DSCAM: variants seen among roughly 807,000 people sequenced by gnomAD.
DSCAM encodes DS cell adhesion molecule.
Under a neutral mutation model 217.7 loss-of-function variants are expected in DSCAM, and 47 were observed. That is an observed-to-expected ratio of 0.22 (90% confidence interval 0.17 to 0.28). The LOEUF is 0.28. DSCAM is among the 10% of genes least tolerant of loss of function. DSCAM has a pLI of 1.00. For missense variants in DSCAM, 2,080 were observed against 2,618.3 expected (o/e 0.79, Z 4.49); for synonymous variants, 1,056 against 1,015.3 (o/e 1.04, Z -0.76).
chr21:40,608,299 ATATATTT>A (rs2089269153), intron 3 of DSCAM, among the ~76,000 whole-genome samples: 1 of 152,246 alleles, frequency 6.6e-6, no homozygotes, highest in African/African-American at 2.4e-5. Flanking sequence ...TATTTTGAAA[ATATATTT>A]GAAACTGCAA....
At chr21:40,646,267 T>G (rs1336176264) in intron 3 of DSCAM, among the ~76,000 whole-genome samples, 1 of 151,946 alleles carries the variant, frequency 6.6e-6, no homozygotes, top group Non-Finnish European at 1.5e-5. Context: ...ATACAAAAAT[T>G]AGCTGGGTGT....
intron 32 of DSCAM, among the ~76,000 whole-genome samples, chr21:40,019,045 G>C (rs547128415): frequency 1.3e-5 from 2 of 152,342 alleles, no homozygotes; most frequent in African/African-American, 4.8e-5. Context: ...ACAGAGAAGA[G>C]AGCACCAGAG....
At chr21:40,139,336 T>A (rs2090260339) in intron 18 of DSCAM, among the ~76,000 whole-genome samples, 1 of 151,948 alleles carries the variant, frequency 6.6e-6, no homozygotes, top group Admixed American at 6.6e-5. Flanking sequence ...TAGGGAGACG[T>A]GAGACATCAA....
chr21:40,415,412 G>A (rs1191067543), intron 3 of DSCAM, among the ~76,000 whole-genome samples: 1 of 152,196 alleles, frequency 6.6e-6, no homozygotes, highest in Non-Finnish European at 1.5e-5. Flanking sequence ...AATATACTGA[G>A]TTATAGATGT....
intron 3 of DSCAM, among the ~76,000 whole-genome samples, chr21:40,625,188 T>C (rs1255991439): frequency 2.0e-5 from 3 of 152,160 alleles, no homozygotes; most frequent in African/African-American, 2.4e-5. Context: ...TGAAGTTCAA[T>C]TGATATTCAA....
intron 3 of DSCAM, among the ~76,000 whole-genome samples, chr21:40,406,109 A>G (rs2075277705): frequency 6.6e-6 from 1 of 152,224 alleles, no homozygotes; most frequent in Admixed American, 6.5e-5. Context: ...GTATCACCTC[A>G]TACCTGTTAT....
intron 1 of DSCAM, among the ~76,000 whole-genome samples, chr21:40,841,087 T>A (rs1372033021): frequency 1.3e-5 from 2 of 152,122 alleles, no homozygotes; most frequent in Admixed American, 1.3e-4. Context: ...GGCGTAACGA[T>A]TACCACAGAC....
At chr21:40,715,184 T>C (rs903418287) in intron 1 of DSCAM, among the ~76,000 whole-genome samples, 5 of 152,260 alleles carry the variant, frequency 3.3e-5, no homozygotes, top group African/African-American at 1.2e-4. Context: ...CACGAAAGTT[T>C]CACTCTTCAC....
intron 27 of DSCAM, among the ~76,000 whole-genome samples, chr21:40,064,342 T>C (rs907206274): frequency 2.0e-5 from 3 of 152,064 alleles, no homozygotes; most frequent in East Asian, 1.9e-4. Context: ...TCAGCCTCAA[T>C]TGTCTTCTGA....
chr21:40,348,682 A>G (rs2074594064), intron 5 of DSCAM, among the ~76,000 whole-genome samples: 1 of 152,206 alleles, frequency 6.6e-6, no homozygotes, highest in South Asian at 2.1e-4. Flanking sequence ...TACTGCATGC[A>G]GTTCGTATCA....
chr21:40,519,544 G>A (rs530983582), intron 3 of DSCAM, among the ~76,000 whole-genome samples: 6 of 152,250 alleles, frequency 3.9e-5, no homozygotes, highest in Admixed American at 2.0e-4. Context: ...ATGAACCAGG[G>A]AGTGGGTCCT....
At chr21:40,677,032 G>A (rs1415697891) in intron 3 of DSCAM, among the ~76,000 whole-genome samples, 2 of 152,068 alleles carry the variant, frequency 1.3e-5, no homozygotes, top group East Asian at 3.9e-4. Context: ...ACAATGCTGA[G>A]AACTAAAAAT....
intron 20 of DSCAM, among the ~76,000 whole-genome samples, chr21:40,111,114 C>T (rs1217157945): frequency 6.6e-6 from 1 of 152,092 alleles, no homozygotes; most frequent in Non-Finnish European, 1.5e-5. Context: ...ACATAATTGT[C>T]AGATTCACCA....
At chr21:40,526,580 G>T (rs1405295677) in intron 3 of DSCAM, among the ~76,000 whole-genome samples, 1 of 152,084 alleles carries the variant, frequency 6.6e-6, no homozygotes, top group Non-Finnish European at 1.5e-5. Flanking sequence ...AGGCCGGGGG[G>T]TGGGATTCAG....
intron 11 of DSCAM, among the ~76,000 whole-genome samples, chr21:40,250,984 CA>C (rs1238031751): frequency 4.6e-5 from 7 of 152,360 alleles, no homozygotes; most frequent in African/African-American, 1.7e-4. Flanking sequence ...CAATCTCTAT[CA>C]CCTGATATCC....
At chr21:40,407,340 T>C (rs1446220960) in intron 3 of DSCAM, among the ~76,000 whole-genome samples, 1 of 152,194 alleles carries the variant, frequency 6.6e-6, no homozygotes, top group South Asian at 2.1e-4. Context: ...AATAAATCAG[T>C]CCTCTCCATG....
At chr21:40,492,724 T>C (rs1601687491) in intron 3 of DSCAM, among the ~76,000 whole-genome samples, 2 of 151,998 alleles carry the variant, frequency 1.3e-5, no homozygotes, top group Admixed American at 1.3e-4. Flanking sequence ...AAAGTATACA[T>C]GGAATTATAT....
chr21:40,020,819 G>A (rs2088252368), intron 32 of DSCAM, among the ~76,000 whole-genome samples: 1 of 152,166 alleles, frequency 6.6e-6, no homozygotes, highest in Admixed American at 6.5e-5. Context: ...GTCCTGCCTG[G>A]GCCTTTGGGA....
chr21:40,331,868 A>G (rs2074381154), intron 8 of DSCAM, among the ~76,000 whole-genome samples: 1 of 152,158 alleles, frequency 6.6e-6, no homozygotes, highest in Non-Finnish European at 1.5e-5. Flanking sequence ...ACATTTATTT[A>G]CCTGTGATTT....
Sources: allele counts gnomAD v4.1 joint callset (sites outside exome capture counted in the v4.1 genomes callset), GRCh38; gene constraint gnomAD v4.1.1; transcripts MANE v1.5; gene names NCBI Gene and HGNC (gene_info 2026-07-23, HGNC 2026-07-21).